Variants in ILKAP observed in about 807,000 individuals in gnomAD.
ILKAP encodes integrin-linked kinase-associated serine/threonine phosphatase 2C.
Under a neutral mutation model 49.1 loss-of-function variants are expected in ILKAP, and 11 were observed. The ratio of observed to expected loss-of-function variants is 0.22; its 90% CI spans 0.14 to 0.37. The LOEUF is 0.37. Among genes scored for constraint, ILKAP ranks in the 10% least tolerant of loss-of-function variants. ILKAP has a pLI of 1.00. For synonymous variants in ILKAP, 186 were observed against 192.8 expected (o/e 0.96, Z 0.29); for missense variants, 363 against 510.8 (o/e 0.71, Z 2.79).
intron 2 of ILKAP, 27 bp from the exon 3 acceptor site, chr2:238,194,358 G>A (rs753756150): frequency 6.2e-7 from 1 of 1,610,362 alleles, no homozygotes; most frequent in Non-Finnish European, 8.5e-7. Context: ...CACTTAGTGA[G>A]CCCACAAAAA....
intron 8 of ILKAP, among the ~76,000 whole-genome samples, chr2:238,183,076 T>A (rs1267110084): frequency 6.6e-6 from 1 of 152,056 alleles, no homozygotes; most frequent in Non-Finnish European, 1.5e-5. Context: ...GGAGGCAGGG[T>A]CTGCATCCAG....
intron 8 of ILKAP, 108 bp from the exon 9 acceptor site, chr2:238,182,294 A>T (rs536589749): frequency 2.2e-5 from 29 of 1,325,392 alleles, no homozygotes; most frequent in Non-Finnish European, 3.1e-5. Flanking sequence ...ACAGTTAACA[A>T]TGGAGTTTCA....
chr2:238,201,805 G>A (rs1036208137), intron 1 of ILKAP, among the ~76,000 whole-genome samples: 3 of 152,036 alleles, frequency 2.0e-5, no homozygotes, highest in Non-Finnish European at 2.9e-5. Context: ...ATTGACAAGA[G>A]AAAAAAGACT....
intron 3 of ILKAP, among the ~76,000 whole-genome samples, chr2:238,192,707 GA>G (rs61294022): frequency 1.4e-5 from 2 of 139,506 alleles, no homozygotes; most frequent in African/African-American, 2.7e-5. Context: ...CTCAAAAAAG[GA>G]AAAAAAAAAA....
chr2:238,173,439 C>G, intron 10 of ILKAP, 95 bp downstream of exon 10: 3 of 1,514,132 alleles, frequency 2.0e-6, no homozygotes, highest in Non-Finnish European at 2.7e-6. Flanking sequence ...ACCATGCACA[C>G]CTTCCCTCCA....
chr2:238,193,458 TG>T (rs1295848156), intron 3 of ILKAP, among the ~76,000 whole-genome samples: 1 of 152,216 alleles, frequency 6.6e-6, no homozygotes, highest in East Asian at 1.9e-4. Flanking sequence ...TGACCTCAAG[TG>T]ATCTACCCGC....
At chr2:238,194,610 G>A (rs1438460748) in intron 2 of ILKAP, 195 bp downstream of exon 2, 11 of 617,938 alleles carry the variant, frequency 1.8e-5, no homozygotes, top group Middle Eastern at 4.3e-4. Flanking sequence ...ACATTTCCTC[G>A]CAGTACTTCT....
In ILKAP at chr2:238,195,604, TTC is replaced by T. The variant is rs368754871; in HGVS notation, c.56-736_56-735del. ...CTTATTTTCCAGCTTTTTCCTGAAA[TTC>T]TGTTTAAGCTATTAGATATCTGAAC... On this transcript the variant is annotated intron_variant, in intron 1 of 11. Transcript: ENST00000254654. Among the ~76,000 whole-genome samples, 21 of 152,324 alleles carry T rather than the reference TTC, an allele frequency of 1.4e-4. No individual in the cohort carries two copies. The East Asian group carries it at 3.5e-3, about 25-fold the overall frequency.
intron 1 of ILKAP, among the ~76,000 whole-genome samples, chr2:238,202,640 T>C (rs1225694761): frequency 6.6e-6 from 1 of 152,176 alleles, no homozygotes; most frequent in East Asian, 1.9e-4. Flanking sequence ...AAGTTAAATT[T>C]TGTAATAAGG....
At chr2:238,187,268 C>T (rs530678384) in intron 5 of ILKAP, among the ~76,000 whole-genome samples, 78 of 152,258 alleles carry the variant, frequency 5.1e-4, no homozygotes, top group African/African-American at 1.4e-3. Flanking sequence ...GTGTGTATCT[C>T]GTCCCCTCTA....
intron 9 of ILKAP, among the ~76,000 whole-genome samples, chr2:238,176,569 T>C (rs999977318): frequency 3.4e-4 from 52 of 152,388 alleles, no homozygotes; most frequent in African/African-American, 1.2e-3. Flanking sequence ...CTCTGTTTTC[T>C]GCCAACCAGA....
chr2:238,173,565 T>C lies in ILKAP; in HGVS notation c.925A>G (p.Ile309Val), dbSNP rs1284744445. Residue 309 changes from isoleucine (I) to valine (V), a missense_variant, in exon 10 of 12, where the codon ATC (isoleucine) becomes GTC (valine). Transcript: ENST00000254654. ...KRCGVTSVPDIRRCQLTPNDR... is the reference protein window; with the variant it reads ...KRCGVTSVPDVRRCQLTPNDR... ...TTGGGGGTCAGCTGGCAGCGTCTGA[T>C]GTCGGGCACAGAGGTGACACCGCAG... is the stretch of plus-strand genomic sequence containing the variant. 1 of 1,613,924 alleles carries C rather than the reference T, an allele frequency of 6.2e-7. No homozygotes were observed. Among genetic ancestry groups the C allele is most frequent in the East Asian group, 2.2e-5 (1 of 44,884 alleles).
At chr2:238,174,551 G>A (rs950129830) in intron 9 of ILKAP, among the ~76,000 whole-genome samples, 9 of 152,156 alleles carry the variant, frequency 5.9e-5, no homozygotes, top group East Asian at 1.9e-4. Flanking sequence ...CAGGAGATGC[G>A]GTGCAGATGG....
chr2:238,178,613 A>G (rs1693567047), intron 9 of ILKAP, among the ~76,000 whole-genome samples: 1 of 152,220 alleles, frequency 6.6e-6, no homozygotes, highest in South Asian at 2.1e-4. Context: ...AAAACTCTGT[A>G]ACGTTAAATA....
Position 238,173,665 on chromosome 2 carries a change from G to A in ILKAP, c.837-12C>T, listed in dbSNP as rs1219872589. On this transcript the variant is annotated splice_polypyrimidine_tract_variant and intron_variant, in intron 9 of 11. Transcript: ENST00000254654. ...AAACACGCCCATCCCTAAAATGAGA[G>A]GAAAAACATTTCAGACTCTACCTGA... The A allele has an allele frequency of 6.2e-7, 1 of 1,611,798 alleles. No homozygotes were observed.
intron 9 of ILKAP, among the ~76,000 whole-genome samples, chr2:238,177,858 A>G (rs2106328529): frequency 6.6e-6 from 1 of 152,254 alleles, no homozygotes; most frequent in Middle Eastern, 3.4e-3. Flanking sequence ...TGCAGATCAC[A>G]TGCTAACTCT....
At chr2:238,182,267 A>G (rs1693727116) in intron 8 of ILKAP, 81 bp from the exon 9 acceptor site, 1 of 1,527,678 alleles carries the variant, frequency 6.5e-7, no homozygotes, top group African/African-American at 1.4e-5. Context: ...AACAGTTAAC[A>G]ATGGAGTTTG....
In ILKAP at chr2:238,182,040, G is replaced by A. The variant is rs1050923859; in HGVS notation, c.836+25C>T. The A allele has an allele frequency of 3.1e-6, 5 of 1,611,334 alleles. No homozygotes were observed. The African/African-American group carries it at 6.7e-5, about 22-fold the overall frequency. On this transcript the variant is annotated intron_variant, in intron 9 of 11. Coordinates refer to ENST00000254654, the MANE Select transcript of ILKAP (RefSeq NM_030768.3). ...TACAGCTAACAGCCCTCCTTCCCAT[G>A]AGCTCCTCTCAGTCCCTTGGTTACC...
chr2:238,187,775 T>C (rs958316984), intron 5 of ILKAP, among the ~76,000 whole-genome samples: 1 of 152,206 alleles, frequency 6.6e-6, no homozygotes, highest in African/African-American at 2.4e-5. Context: ...AGCCATGCTA[T>C]GAAGCGTCAT....
Sources: gnomAD v4.1 joint callset for allele counts (sites outside exome capture counted in the v4.1 genomes callset) on GRCh38, gnomAD v4.1.1 for gene constraint, MANE v1.5 for transcripts, NCBI Gene and HGNC (gene_info 2026-07-23, HGNC 2026-07-21) for gene names.